The following THRB variants were observed in gnomAD, a reference collection of about 807,000 sequenced individuals.
THRB encodes the protein thyroid hormone receptor beta.
A neutral mutation model predicts 47.8 loss-of-function variants in THRB; 12 were observed. The observed-to-expected ratio is 0.25, with a 90% CI of 0.16 to 0.41. THRB has a LOEUF of 0.41. THRB is among the 10% of genes least tolerant of loss of function. THRB has a pLI of 1.00. For synonymous variants in THRB, 218 were observed against 212.2 expected (o/e 1.03, Z -0.24); for missense variants, 348 against 589.2 (o/e 0.59, Z 4.24).
intron 3 of THRB, among the ~76,000 whole-genome samples, chr3:24,262,130 C>T (rs940766306): frequency 2.0e-5 from 3 of 152,168 alleles, no homozygotes; most frequent in Non-Finnish European, 4.4e-5. Context: ...GATTACAGAG[C>T]TTCCCCAGGC....
At chr3:24,495,142 G>A (rs576986523), upstream of THRB, 22 of 151,918 alleles carry the variant, frequency 1.4e-4, no homozygotes, top group African/African-American at 5.3e-4. Flanking sequence ...CTCCGGGCCC[G>A]GGGCGCCTGC....
rs1478455788 is a variant in THRB at position 24,283,184 on chromosome 3, G to A, written c.-43+14042C>T. Reference sequence around the variant, plus strand: ...ATGAACATTGATGCAAAAATCCTCAGTAAAATACTGGCAAACCAAATCCAG... The same window carrying A: ...ATGAACATTGATGCAAAAATCCTCAATAAAATACTGGCAAACCAAATCCAG... On this transcript the variant is annotated intron_variant, in intron 3 of 10. Coordinates refer to ENST00000646209, the MANE Select transcript of THRB (RefSeq NM_001354712.2). 6.6e-5 allele frequency among the ~76,000 whole-genome samples: 10 copies of A among 152,116 alleles called. No individual in the cohort carries two copies. In the East Asian group the frequency reaches 1.4e-3, roughly 21 times the overall value.
intron 3 of THRB, among the ~76,000 whole-genome samples, chr3:24,260,937 C>T (rs1346550495): frequency 6.6e-6 from 1 of 152,168 alleles, no homozygotes; most frequent in Non-Finnish European, 1.5e-5. Flanking sequence ...AGGTTGCTGG[C>T]CCCAACCCCA....
At chr3:24,330,816 G>T (rs2061875002) in intron 2 of THRB, among the ~76,000 whole-genome samples, 1 of 152,138 alleles carries the variant, frequency 6.6e-6, no homozygotes, top group East Asian at 1.9e-4. Context: ...AATCAGAGGG[G>T]GTTAAAATAA....
intron 3 of THRB, among the ~76,000 whole-genome samples, chr3:24,281,008 ACT>A (rs1477734403): frequency 6.6e-6 from 1 of 152,170 alleles, no homozygotes; most frequent in Non-Finnish European, 1.5e-5. Flanking sequence ...GTTGGAAAAC[ACT>A]CTGCAGGATA....
intron 5 of THRB, among the ~76,000 whole-genome samples, chr3:24,178,100 G>A (rs2041411054): frequency 6.6e-6 from 1 of 152,110 alleles, no homozygotes; most frequent in Non-Finnish European, 1.5e-5. Flanking sequence ...CACCTTTAGA[G>A]CATTGAATAG....
intron 4 of THRB, among the ~76,000 whole-genome samples, chr3:24,195,656 T>C (rs1276229268): frequency 2.0e-5 from 3 of 152,242 alleles, no homozygotes; most frequent in Non-Finnish European, 4.4e-5. Context: ...TACAGTGGCC[T>C]CAAGGCCCCA....
chr3:24,380,454 T>C (rs9310739), intron 1 of THRB, among the ~76,000 whole-genome samples: 81,026 of 151,592 alleles, frequency 0.53, 22,571 homozygotes, highest in African/African-American at 0.69. Context: ...ATACTCCATT[T>C]ACTACTTCTT....
At chr3:24,331,172 A>T (rs554233693) in intron 2 of THRB, among the ~76,000 whole-genome samples, 1 of 152,150 alleles carries the variant, frequency 6.6e-6, no homozygotes, top group South Asian at 2.1e-4. Flanking sequence ...AGTGATGATG[A>T]CTTGAGCGTT....
In THRB at chr3:24,299,195, C is replaced by G. The variant is rs1051842014; in HGVS notation, c.-188-1824G>C. On this transcript the variant is annotated intron_variant, in intron 2 of 10. Transcript: ENST00000646209. The stretch of plus-strand genomic sequence containing the variant: ...CCCGGGAGGCTGATCTTGCAGTGAG[C>G]CGAGATAGTGCCACTGCACTCCAGC... Among the ~76,000 whole-genome samples the G allele has an allele frequency of 4.1e-5, 6 of 144,988 alleles. No individual in the cohort carries two copies. The East Asian group carries it at 1.2e-3, about 29-fold the overall frequency.
chr3:24,407,584 T>C (rs189084571), intron 1 of THRB, among the ~76,000 whole-genome samples: 39 of 151,990 alleles, frequency 2.6e-4, no homozygotes, highest in African/African-American at 8.9e-4. Context: ...TAGAAACAAA[T>C]TGCATACAAG....
intron 5 of THRB, among the ~76,000 whole-genome samples, chr3:24,184,400 G>A (rs929934429): frequency 2.0e-5 from 3 of 152,196 alleles, no homozygotes; most frequent in African/African-American, 7.2e-5. Context: ...TGTTCAGTTG[G>A]CCTTGGAAAG....
At chr3:24,398,137 A>G (rs1393257599) in intron 1 of THRB, among the ~76,000 whole-genome samples, 1 of 152,126 alleles carries the variant, frequency 6.6e-6, no homozygotes, top group Non-Finnish European at 1.5e-5. Flanking sequence ...ATTAACTCTC[A>G]TTTTTTAAAA....
At chr3:24,361,261 A>G (rs747931206) in intron 1 of THRB, among the ~76,000 whole-genome samples, 4 of 152,162 alleles carry the variant, frequency 2.6e-5, no homozygotes, top group Non-Finnish European at 5.9e-5. Flanking sequence ...CTAAGTCTGA[A>G]TTATTATAAA....
chr3:24,305,304 A>G (rs979628832), intron 2 of THRB, among the ~76,000 whole-genome samples: 3 of 152,168 alleles, frequency 2.0e-5, no homozygotes, highest in Non-Finnish European at 4.4e-5. Flanking sequence ...AAGATGATTC[A>G]AGTGCATGCT....
At chr3:24,254,102 G>A (rs1229955543) in intron 3 of THRB, among the ~76,000 whole-genome samples, 1 of 148,944 alleles carries the variant, frequency 6.7e-6, no homozygotes, top group Non-Finnish European at 1.5e-5. Flanking sequence ...GGTGGCTCAC[G>A]CCTGTAATCC....
intron 5 of THRB, among the ~76,000 whole-genome samples, chr3:24,153,283 A>G (rs1170357149): frequency 3.9e-5 from 6 of 152,206 alleles, no homozygotes; most frequent in African/African-American, 1.4e-4. Flanking sequence ...GGCCTTCCTC[A>G]GGGTCTCACT....
At chr3:24,178,898 A>C (rs1399864247) in intron 5 of THRB, among the ~76,000 whole-genome samples, 5 of 152,244 alleles carry the variant, frequency 3.3e-5, no homozygotes, top group African/African-American at 9.6e-5. Flanking sequence ...AGCTTGATTT[A>C]ATAATTTAAA....
intron 1 of THRB, among the ~76,000 whole-genome samples, chr3:24,393,048 A>C (rs1196679300): frequency 6.6e-6 from 1 of 152,126 alleles, no homozygotes; most frequent in Non-Finnish European, 1.5e-5. Context: ...TTGACACATC[A>C]TCAAGCAGAC....
Sources: allele counts gnomAD v4.1 joint callset (sites outside exome capture counted in the v4.1 genomes callset), GRCh38; gene constraint gnomAD v4.1.1; transcripts MANE v1.5; gene names NCBI Gene and HGNC (gene_info 2026-07-23, HGNC 2026-07-21).